The following RBFOX3 variants were observed in gnomAD, a reference collection of about 807,000 sequenced individuals.
RBFOX3 encodes RNA binding protein fox-1 homolog 3.
Under a neutral mutation model 48.7 loss-of-function variants are expected in RBFOX3, and 17 were observed. The observed-to-expected ratio is 0.35, with a 90% confidence interval of 0.24 to 0.52. RBFOX3 has a LOEUF of 0.52. Among genes scored for constraint, RBFOX3 ranks in the 20% least tolerant of loss-of-function variants. RBFOX3 has a pLI of 0.94. For missense variants in RBFOX3, 382 were observed against 497.5 expected (o/e 0.77, Z 2.21); for synonymous variants, 212 against 209.5 (o/e 1.01, Z -0.10).
chr17:79,234,784 G>C (rs1379253270), intron 4 of RBFOX3: 1 of 137,238 alleles, frequency 7.3e-6, no homozygotes. Context: ...CCAGGCTGGA[G>C]TGCAGTGGTG....
intron 3 of RBFOX3, among the ~76,000 whole-genome samples, chr17:79,305,205 G>A (rs2075928541): frequency 6.6e-6 from 1 of 152,136 alleles, no homozygotes; most frequent in Admixed American, 6.5e-5. Context: ...AGCCACTAAA[G>A]GGTTCTTGCC....
At chr17:79,343,979 T>C (rs2082485858) in intron 2 of RBFOX3, among the ~76,000 whole-genome samples, 1 of 152,150 alleles carries the variant, frequency 6.6e-6, no homozygotes, top group South Asian at 2.1e-4. Context: ...GAGATCCCAC[T>C]CAAGTGGGTA....
chr17:79,139,529 C>G (rs2125962), intron 4 of RBFOX3, among the ~76,000 whole-genome samples: 1 of 152,204 alleles, frequency 6.6e-6, no homozygotes, highest in African/African-American at 2.4e-5. Flanking sequence ...TCCTGCTGAC[C>G]GGGATGTGGG....
At chr17:79,119,622 ACTGT>A (rs1288495367) in intron 4 of RBFOX3, among the ~76,000 whole-genome samples, 1 of 152,160 alleles carries the variant, frequency 6.6e-6, no homozygotes, top group Admixed American at 6.5e-5. Flanking sequence ...GGTCCTGGTG[ACTGT>A]CTGTCCTCTC....
intron 2 of RBFOX3, among the ~76,000 whole-genome samples, chr17:79,326,072 G>A (rs1174574516): frequency 1.3e-5 from 2 of 152,216 alleles, no homozygotes; most frequent in Non-Finnish European, 2.9e-5. Flanking sequence ...AAAGGCGCAG[G>A]TTAAGAACTA....
chr17:79,230,816 C>T (rs866301028), intron 4 of RBFOX3, among the ~76,000 whole-genome samples: 1 of 152,118 alleles, frequency 6.6e-6, no homozygotes, highest in Non-Finnish European at 1.5e-5. Flanking sequence ...CAGGCCCAGC[C>T]TGTGTATGTG....
At position 79,110,510 on chromosome 17, in the gene RBFOX3, G is replaced by A. The variant is rs570396254; in HGVS notation, c.223-3722C>T. ...CACGGAACCAAGCTGTGCTGCTGTG[G>A]CACCACATGAACCGGTTTTTGGAAA... On this transcript the variant is annotated intron_variant, in intron 5 of 14. Transcript: ENST00000693108. Among the ~76,000 whole-genome samples, 3 of 152,326 alleles carry A rather than the reference G, an allele frequency of 2.0e-5. No individual in the cohort carries two copies. In the South Asian group the frequency reaches 6.2e-4, roughly 32 times the overall value.
chr17:79,296,011 A>G (rs1567994285), intron 3 of RBFOX3, among the ~76,000 whole-genome samples: 1 of 149,286 alleles, frequency 6.7e-6, no homozygotes, highest in Admixed American at 6.7e-5. Context: ...CCATTTCCCA[A>G]TTACAACAGG....
At chr17:79,175,360 C>T (rs1035387807) in intron 4 of RBFOX3, among the ~76,000 whole-genome samples, 1 of 152,260 alleles carries the variant, frequency 6.6e-6, no homozygotes, top group African/African-American at 2.4e-5. Flanking sequence ...GGACAGCAGA[C>T]TACCCCACCC....
intron 1 of RBFOX3, among the ~76,000 whole-genome samples, chr17:79,509,296 C>T (rs988793356): frequency 1.4e-4 from 22 of 152,210 alleles, no homozygotes; most frequent in African/African-American, 2.2e-4. Context: ...CTCTCTAGGA[C>T]GCTGGAGCTA....
intron 1 of RBFOX3, among the ~76,000 whole-genome samples, chr17:79,498,913 T>C (rs2082004697): frequency 8.5e-6 from 1 of 117,592 alleles, no homozygotes; most frequent in Non-Finnish European, 1.8e-5. Context: ...TCCATATGGC[T>C]ACCCATCCAT....
intron 1 of RBFOX3, among the ~76,000 whole-genome samples, chr17:79,591,159 G>A (rs1568438530): frequency 6.6e-6 from 1 of 152,160 alleles, no homozygotes; most frequent in Non-Finnish European, 1.5e-5. Flanking sequence ...TTTCCATGAG[G>A]GGAGATCCCA....
chr17:79,597,358 C>T (rs1349491669), intron 1 of RBFOX3, among the ~76,000 whole-genome samples: 1 of 152,164 alleles, frequency 6.6e-6, no homozygotes, highest in African/African-American at 2.4e-5. Context: ...AAGACAGACA[C>T]AGTCCTCCTA....
At chr17:79,227,065 C>G (rs189600308) in intron 4 of RBFOX3, among the ~76,000 whole-genome samples, 49 of 152,312 alleles carry the variant, frequency 3.2e-4, no homozygotes, top group African/African-American at 1.1e-3. Context: ...TTCTCACTCC[C>G]GTGTCTCTTC....
intron 1 of RBFOX3, among the ~76,000 whole-genome samples, chr17:79,559,275 ATGG>A (rs1250836872): frequency 2.6e-5 from 4 of 151,898 alleles, no homozygotes; most frequent in Non-Finnish European, 5.9e-5. Context: ...TAGATGGCAA[ATGG>A]TGGGTCATGG....
chr17:79,206,394 G>T (rs191715386), intron 4 of RBFOX3, among the ~76,000 whole-genome samples: 1 of 152,132 alleles, frequency 6.6e-6, no homozygotes, highest in East Asian at 1.9e-4. Context: ...GGTGCCCGAC[G>T]TACACTGTGG....
chr17:79,198,754 T>A lies in RBFOX3; in HGVS notation c.-34+37012A>T, dbSNP rs1196801137. ...GATTCTCCTGCCTCAGCCTCCCAAGTAGCTGGGATTATAGGCATGTGCCAC... is the reference window on the plus strand; with the variant it reads ...GATTCTCCTGCCTCAGCCTCCCAAGAAGCTGGGATTATAGGCATGTGCCAC... On this transcript the variant is annotated intron_variant, in intron 4 of 14. Coordinates refer to ENST00000693108, the MANE Select transcript of RBFOX3 (RefSeq NM_001350451.2). This position sits in a 1 kb window ranked among gnomAD's most constrained non-coding sequence, Gnocchi z 8.2. Among the ~76,000 whole-genome samples, 2 of 152,152 alleles carry A rather than the reference T, an allele frequency of 1.3e-5. No individual in the cohort carries two copies. Among genetic ancestry groups the A allele is most frequent in the Non-Finnish European group, 2.9e-5 (2 of 68,024 alleles).
At chr17:79,112,661 G>A (rs922758514) in intron 5 of RBFOX3, among the ~76,000 whole-genome samples, 1 of 152,094 alleles carries the variant, frequency 6.6e-6, no homozygotes, top group East Asian at 1.9e-4. Context: ...GCCGTCTAGG[G>A]GCCGGCTCTG....
intron 14 of RBFOX3, chr17:79,092,429 G>A (rs1183545818): frequency 6.1e-6 from 6 of 985,646 alleles, no homozygotes; most frequent in African/African-American, 1.7e-5. Context: ...GAGACCAACT[G>A]GCTGGAGAGA....
Sources: gnomAD v4.1 joint callset for allele counts (sites outside exome capture counted in the v4.1 genomes callset) on GRCh38, gnomAD v4.1.1 for gene constraint, Gnocchi (gnomAD v3.1) non-coding constraint, MANE v1.5 for transcripts, NCBI Gene and HGNC (gene_info 2026-07-23, HGNC 2026-07-21) for gene names.